The following HIVEP3 variants were observed in gnomAD, a reference collection of about 807,000 sequenced individuals.
The protein encoded by HIVEP3 is transcription factor HIVEP3.
HIVEP3 carries 49 observed loss-of-function variants against 152.8 expected under a neutral mutation model. That is an observed-to-expected ratio of 0.32 (90% CI 0.26 to 0.41). The LOEUF (loss-of-function observed/expected upper bound fraction) is 0.41, where lower values mean the gene tolerates loss of function less well. Ranked by LOEUF, HIVEP3 falls within the 10% of genes least tolerant of loss-of-function variation. The pLI, the probability that HIVEP3 is intolerant of heterozygous loss-of-function variation, is 1.00. For synonymous variants in HIVEP3, 1,269 were observed against 1,289.0 expected, an observed-to-expected ratio of 0.98 and a Z score of 0.33; for missense variants, 2,790 against 3,103.3, an observed-to-expected ratio of 0.90 and a Z score of 2.40.
intron 1 of HIVEP3, among the ~76,000 whole-genome samples, chr1:41,774,844 G>A (rs1335257243): frequency 6.6e-6 from 1 of 150,890 alleles, no homozygotes; most frequent in Non-Finnish European, 1.5e-5. Context: ...TCACTAGGCT[G>A]GAGTGCAGTG....
chr1:41,564,215 A>G (rs1367420870), intron 5 of HIVEP3, among the ~76,000 whole-genome samples: 1 of 152,024 alleles, frequency 6.6e-6, no homozygotes, highest in South Asian at 2.1e-4. Flanking sequence ...AACAACAACA[A>G]GAAAAAACTC....
intron 2 of HIVEP3, among the ~76,000 whole-genome samples, chr1:41,665,347 A>C (rs1024581449): frequency 3.3e-5 from 5 of 152,190 alleles, no homozygotes; most frequent in Admixed American, 3.3e-4. Flanking sequence ...ACCAGGTGCC[A>C]GTTCCTTCCT....
chr1:41,640,468 C>A (rs1235205945), intron 2 of HIVEP3, among the ~76,000 whole-genome samples: 1 of 152,198 alleles, frequency 6.6e-6, no homozygotes, highest in Non-Finnish European at 1.5e-5. Flanking sequence ...CATTTGAGGT[C>A]CAGCTGCACC....
intron 1 of HIVEP3, among the ~76,000 whole-genome samples, chr1:41,859,112 A>G (rs1255791965): frequency 6.6e-6 from 1 of 152,230 alleles, no homozygotes; most frequent in Non-Finnish European, 1.5e-5. Flanking sequence ...AAACATCAAC[A>G]TCAGTTAGAA....
chr1:41,783,718 G>T (rs559480824), intron 1 of HIVEP3, among the ~76,000 whole-genome samples: 57 of 152,278 alleles, frequency 3.7e-4, no homozygotes, highest in Non-Finnish European at 5.0e-4. Context: ...ACATTCGTGG[G>T]TATTACTTTT....
At chr1:41,901,041 G>T (rs937032969) in intron 1 of HIVEP3, among the ~76,000 whole-genome samples, 1 of 152,082 alleles carries the variant, frequency 6.6e-6, no homozygotes. Context: ...GGGAGTGGAC[G>T]TCAGGATGGA....
At chr1:41,726,465 G>A (rs1016486680) in intron 1 of HIVEP3, among the ~76,000 whole-genome samples, 11 of 152,238 alleles carry the variant, frequency 7.2e-5, no homozygotes, top group African/African-American at 2.7e-4. Flanking sequence ...GGCAGTGGGT[G>A]ACGTTTACAC....
At chr1:41,882,560 G>A (rs953335064) in intron 1 of HIVEP3, among the ~76,000 whole-genome samples, 2 of 152,124 alleles carry the variant, frequency 1.3e-5, no homozygotes, top group African/African-American at 2.4e-5. Flanking sequence ...TAATAGCTAG[G>A]CTTGATAGGA....
rs188927311 is a variant in HIVEP3 at position 41,596,281 on chromosome 1, G to A, written c.-521-10963C>T. Reference sequence around the variant, plus strand: ...GGGTCCCCATGGGGTGGGCAAGGGCGCACTGCTGCTGCTGGGCTGGGCCAT... The same window carrying A: ...GGGTCCCCATGGGGTGGGCAAGGGCACACTGCTGCTGCTGGGCTGGGCCAT... On this transcript the variant is annotated intron_variant, in intron 3 of 8. Transcript: ENST00000372583. 6.6e-4 allele frequency among the ~76,000 whole-genome samples: 100 copies of A among 152,362 alleles called. 1 individual carries two copies. The highest frequency in any genetic ancestry group is 2.3e-3 in the African/African-American group (97 of 41,588).
chr1:41,686,239 T>C (rs568242365), intron 2 of HIVEP3, among the ~76,000 whole-genome samples: 2 of 151,970 alleles, frequency 1.3e-5, no homozygotes, highest in Non-Finnish European at 2.9e-5. Context: ...GCCAGGCTAA[T>C]TCTTTTGTAT....
chr1:41,723,422 T>C (rs1646705396), intron 1 of HIVEP3, among the ~76,000 whole-genome samples: 1 of 151,286 alleles, frequency 6.6e-6, no homozygotes, highest in Admixed American at 6.6e-5. Flanking sequence ...TCTGGTTCCA[T>C]CACAAGAACT....
chr1:41,669,698 T>C (rs1203736714), intron 2 of HIVEP3, among the ~76,000 whole-genome samples: 2 of 152,182 alleles, frequency 1.3e-5, no homozygotes, highest in African/African-American at 2.4e-5. Context: ...ATGGAACTTA[T>C]ACCATTGGCT....
Position 41,703,125 on chromosome 1 carries a change from C to T in HIVEP3, c.-800-2130G>A, listed in dbSNP as rs141604404. 6.1e-3 allele frequency among the ~76,000 whole-genome samples: 936 copies of T among 152,234 alleles called. 13 individuals carry two copies. Among genetic ancestry groups the T allele is most frequent in the African/African-American group, 0.022 (901 of 41,516 alleles). ...AATCCATTCTGTAAATAGATGAAGGCCCAGAGAGGTGACAAGGCTTGACAA... is the reference window on the plus strand; with the variant it reads ...AATCCATTCTGTAAATAGATGAAGGTCCAGAGAGGTGACAAGGCTTGACAA... On this transcript the variant is annotated intron_variant, in intron 1 of 8. Transcript: ENST00000372583.
intron 2 of HIVEP3, among the ~76,000 whole-genome samples, chr1:41,649,351 G>A (rs905171566): frequency 2.6e-5 from 4 of 152,218 alleles, no homozygotes; most frequent in Admixed American, 6.5e-5. Context: ...CTACAGCTGC[G>A]GGGCAGGGCC....
At chr1:42,002,383 C>T (rs1226754495) in intron 1 of HIVEP3, among the ~76,000 whole-genome samples, 2 of 152,136 alleles carry the variant, frequency 1.3e-5, no homozygotes, top group Admixed American at 6.5e-5. Context: ...GTGTCAGTCG[C>T]GAAAGAGTGC....
chr1:41,565,774 A>G (rs1413816307), intron 5 of HIVEP3, among the ~76,000 whole-genome samples: 1 of 151,236 alleles, frequency 6.6e-6, no homozygotes, highest in Non-Finnish European at 1.5e-5. Flanking sequence ...GCTGCCCGAG[A>G]CCCCCCTACC....
At chr1:41,683,549 C>T (rs60891129) in intron 2 of HIVEP3, among the ~76,000 whole-genome samples, 5,225 of 152,260 alleles carry the variant, frequency 0.034, 129 homozygotes, top group African/African-American at 0.068. Context: ...TTTGGAACTT[C>T]AGCAAAAACA....
chr1:41,951,274 G>A (rs1048515062), intron 1 of HIVEP3, among the ~76,000 whole-genome samples: 2 of 152,210 alleles, frequency 1.3e-5, no homozygotes, highest in East Asian at 3.8e-4. Context: ...TGGTGATAGA[G>A]TTCATAACAT....
At position 41,805,907 on chromosome 1, in the gene HIVEP3, G is replaced by A. The variant is rs527803439; in HGVS notation, c.-800-104912C>T. Among the ~76,000 whole-genome samples, 27 of 152,160 alleles carry A rather than the reference G, an allele frequency of 1.8e-4. No individual in the cohort carries two copies. In the East Asian group the frequency reaches 4.3e-3, roughly 24 times the overall value. The stretch of plus-strand genomic sequence containing the variant: ...TCTGTGTGTGTGTGTACACGTGCAC[G>A]CACACACATCTCCTCTGTAAAGCTC... On this transcript the variant is annotated intron_variant, in intron 1 of 8. Transcript: ENST00000372583.
Sources: gnomAD v4.1 joint callset for allele counts (sites outside exome capture counted in the v4.1 genomes callset) on GRCh38, gnomAD v4.1.1 for gene constraint, MANE v1.5 for transcripts, NCBI Gene and HGNC (gene_info 2026-07-23, HGNC 2026-07-21) for gene names.